Variants in TMTC1 observed in about 807,000 individuals in gnomAD.
The protein encoded by TMTC1 is transmembrane O-mannosyltransferase targeting cadherins 1, also known as protein O-mannosyl-transferase TMTC1.
TMTC1 carries 73 observed loss-of-function variants against 104.8 expected under a neutral mutation model. The ratio of observed to expected loss-of-function variants is 0.70; its 90% CI spans 0.58 to 0.85. TMTC1 has a LOEUF of 0.85. TMTC1 is among the 40% of genes least tolerant of loss of function. The pLI, the probability that TMTC1 is intolerant of heterozygous loss-of-function variation, is 0.00. For missense variants in TMTC1, 1,035 were observed against 1,096.1 expected, an observed-to-expected ratio of 0.94 and a Z score of 0.79; for synonymous variants, 434 against 428.7, an observed-to-expected ratio of 1.01 and a Z score of -0.15.
At position 29,556,960 on chromosome 12, in the gene TMTC1, T is replaced by A; in HGVS notation, c.1573A>T (p.Thr525Ser). 6.2e-7 allele frequency: 1 copy of A among 1,614,176 alleles called. No homozygotes were observed. Residue 525 changes from threonine to serine, a missense_variant, in exon 10 of 18, where the codon ACA becomes TCA. Physicochemically the swap from Thr to Ser is moderately conservative, Grantham distance 58. Transcript: ENST00000539277. ...GCCTCTGCTGTGTCTCTCGTCAGTG[T>A]TCCAAGGTTGTTGAGCGCACTTGCA... Reference protein sequence around the residue: ...RHASALNNLGTLTRDTAEAKM... With the variant: ...RHASALNNLGSLTRDTAEAKM...
intron 8 of TMTC1, among the ~76,000 whole-genome samples, chr12:29,580,072 G>T (rs1336754298): frequency 6.6e-6 from 1 of 152,094 alleles, no homozygotes; most frequent in African/African-American, 2.4e-5. Context: ...CAGGCACATT[G>T]GCCCATGTCT....
Position 29,783,423 on chromosome 12 carries a change from G to C in TMTC1, c.302+27C>G, listed in dbSNP as rs1389369629. On this transcript the variant is annotated intron_variant, in intron 1 of 17. Transcript: ENST00000539277. The surrounding 1 kb of genome is among the most constrained non-coding windows in gnomAD (Gnocchi z 4.7). ...CGGGCGGAGGGTAGAGGAGGCAGCG[G>C]CGGCTAGCGCGAGGTGAGGGACTCA... 4 of 1,286,808 alleles carry C rather than the reference G, an allele frequency of 3.1e-6. No homozygotes were observed. In the South Asian group the frequency reaches 7.2e-5, roughly 23 times the overall value. The allele number at this position is 1,286,808 out of a possible 1,614,324, so 79.7% of individuals were successfully genotyped here.
chr12:29,715,845 AACTC>A (rs1229326363), intron 5 of TMTC1, among the ~76,000 whole-genome samples: 2 of 152,044 alleles, frequency 1.3e-5, no homozygotes, highest in African/African-American at 4.8e-5. Flanking sequence ...ATCTTGTGAA[AACTC>A]ACTCACTATT....
chr12:29,581,264 C>G (rs1307638101), intron 8 of TMTC1, among the ~76,000 whole-genome samples: 1 of 152,192 alleles, frequency 6.6e-6, no homozygotes, highest in Non-Finnish European at 1.5e-5. Flanking sequence ...AACATCTGTT[C>G]TGGCCTTGAA....
intron 5 of TMTC1, among the ~76,000 whole-genome samples, chr12:29,692,623 GC>G (rs1941298813): frequency 6.9e-6 from 1 of 144,896 alleles, no homozygotes; most frequent in African/African-American, 2.5e-5. Context: ...ATATAAAGTG[GC>G]AATTCCTTCC....
At chr12:29,687,959 G>C (rs537028366) in intron 5 of TMTC1, among the ~76,000 whole-genome samples, 1 of 152,234 alleles carries the variant, frequency 6.6e-6, no homozygotes, top group East Asian at 1.9e-4. Context: ...TCCAAATATA[G>C]TTACATTGGA....
At chr12:29,584,170 T>C (rs534836700) in intron 7 of TMTC1, among the ~76,000 whole-genome samples, 50 of 152,288 alleles carry the variant, frequency 3.3e-4, no homozygotes, top group African/African-American at 1.1e-3. Flanking sequence ...ACAAGATGCA[T>C]TGATATGCCT....
intron 5 of TMTC1, among the ~76,000 whole-genome samples, chr12:29,745,804 CATT>C (rs1364179540): frequency 6.6e-6 from 1 of 152,016 alleles, no homozygotes; most frequent in Non-Finnish European, 1.5e-5. Flanking sequence ...TGGTCAGTGT[CATT>C]ATATAGTTCA....
intron 8 of TMTC1, among the ~76,000 whole-genome samples, chr12:29,580,637 C>T (rs934428525): frequency 2.0e-5 from 3 of 152,172 alleles, no homozygotes; most frequent in Non-Finnish European, 4.4e-5. Flanking sequence ...CCAAGGGCAT[C>T]ACCATCTCTA....
chr12:29,562,952 T>C (rs1945414820), intron 9 of TMTC1, among the ~76,000 whole-genome samples: 1 of 152,172 alleles, frequency 6.6e-6, no homozygotes, highest in Non-Finnish European at 1.5e-5. Flanking sequence ...AAAATCACAC[T>C]CTTCACTGTT....
chr12:29,652,904 A>G (rs1000822747), intron 5 of TMTC1, among the ~76,000 whole-genome samples: 1 of 152,112 alleles, frequency 6.6e-6, no homozygotes, highest in African/African-American at 2.4e-5. Flanking sequence ...TCTACTAAAA[A>G]TACAAAAATT....
intron 7 of TMTC1, among the ~76,000 whole-genome samples, chr12:29,595,065 C>T (rs1177998515): frequency 2.0e-5 from 3 of 152,200 alleles, no homozygotes; most frequent in South Asian, 2.1e-4. Context: ...GCTTACACTT[C>T]TCACATGTAT....
In TMTC1 at chr12:29,564,418, G is replaced by A. The variant is rs1313388002; in HGVS notation, c.1533-7418C>T. Among the ~76,000 whole-genome samples the A allele has an allele frequency of 2.0e-5, 3 of 152,118 alleles. 1 individual carries two copies. The South Asian group carries it at 6.2e-4, about 32-fold the overall frequency. On this transcript the variant is annotated intron_variant, in intron 9 of 17. Transcript: ENST00000539277. ...GGTCCTGAGAACTCTTCCATTAAGGGTTGGTGGAGGCAGGACAATCTAAAG... is the reference window on the plus strand; with the variant it reads ...GGTCCTGAGAACTCTTCCATTAAGGATTGGTGGAGGCAGGACAATCTAAAG...
intron 6 of TMTC1, among the ~76,000 whole-genome samples, chr12:29,616,141 C>G (rs1326234554): frequency 1.3e-5 from 2 of 152,130 alleles, no homozygotes; most frequent in Admixed American, 1.3e-4. Context: ...CTTTTTGAAA[C>G]CTAGTGCTTG....
At chr12:29,756,944 C>T (rs934983232) in intron 3 of TMTC1, among the ~76,000 whole-genome samples, 4 of 152,182 alleles carry the variant, frequency 2.6e-5, no homozygotes, top group Admixed American at 1.3e-4. Context: ...TATGGATACA[C>T]TGCAGGCCTA....
At chr12:29,732,575 A>G (rs1942572443) in intron 5 of TMTC1, among the ~76,000 whole-genome samples, 1 of 152,214 alleles carries the variant, frequency 6.6e-6, no homozygotes, top group Admixed American at 6.5e-5. Context: ...TTCCATATCC[A>G]CAAAATGTTA....
chr12:29,569,751 A>G (rs1945615257), intron 9 of TMTC1, among the ~76,000 whole-genome samples: 1 of 152,248 alleles, frequency 6.6e-6, no homozygotes, highest in Non-Finnish European at 1.5e-5. Context: ...CACAAAAATG[A>G]TATTTTTAAC....
At chr12:29,669,099 A>T (rs1002320322) in intron 5 of TMTC1, among the ~76,000 whole-genome samples, 8 of 119,428 alleles carry the variant, frequency 6.7e-5, no homozygotes, top group African/African-American at 2.9e-4. Flanking sequence ...GGAGTGGGAC[A>T]GATGAGGATG....
At position 29,727,368 on chromosome 12, in the gene TMTC1, T is replaced by C. The variant is rs1942422780; in HGVS notation, c.938+24298A>G. On this transcript the variant is annotated intron_variant, in intron 5 of 17. Transcript: ENST00000539277. Reference sequence around the variant, plus strand: ...ACCCTGAAATGTATTTATTTATTTATTTTTATTTTTATTTATTTATTTTTT... The same window carrying C: ...ACCCTGAAATGTATTTATTTATTTACTTTTATTTTTATTTATTTATTTTTT... Among the ~76,000 whole-genome samples, 3 of 117,990 alleles carry C rather than the reference T, an allele frequency of 2.5e-5. No homozygotes were observed. The South Asian group carries it at 7.6e-4, about 30-fold the overall frequency. The allele number at this position is 117,990 out of a possible 152,430, so 77.4% of individuals were successfully genotyped here.
Sources: gnomAD v4.1 joint callset for allele counts (sites outside exome capture counted in the v4.1 genomes callset) on GRCh38, gnomAD v4.1.1 for gene constraint, Gnocchi (gnomAD v3.1) non-coding constraint, MANE v1.5 for transcripts, NCBI Gene and HGNC (gene_info 2026-07-23, HGNC 2026-07-21) for gene names.